Variants in ATG7 observed in about 807,000 individuals in gnomAD.
ATG7 encodes the protein ubiquitin-like modifier-activating enzyme ATG7.
Under a neutral mutation model 82.4 loss-of-function variants are expected in ATG7, and 70 were observed. The observed-to-expected ratio is 0.85, with a 90% confidence interval of 0.70 to 1.04. ATG7 has a LOEUF of 1.04. Among genes scored for constraint, ATG7 ranks in the 50% least tolerant of loss-of-function variants. The pLI, the probability that ATG7 is intolerant of heterozygous loss-of-function variation, is 0.00. For synonymous variants in ATG7, 287 were observed against 313.0 expected, an observed-to-expected ratio of 0.92 and a Z score of 0.88; for missense variants, 792 against 864.3, an observed-to-expected ratio of 0.92 and a Z score of 1.05.
intron 10 of ATG7, among the ~76,000 whole-genome samples, chr3:11,332,226 G>A (rs2595002): frequency 0.82 from 124,275 of 152,194 alleles, 50,996 homozygotes; most frequent in East Asian, 1. Flanking sequence ...TTAATACAGA[G>A]ATCAGCATGG....
In ATG7 at chr3:11,546,662, C is replaced by G. The variant is rs142015855; in HGVS notation, c.2080-8149C>G. On this transcript the variant is annotated intron_variant, in intron 20 of 20. Transcript: ENST00000693202. ...TGATGAGGGCTCCTTTCAAACTCGT[C>G]TGTCTCCTTTGGAGAGAGTTAAACC... 6.8e-3 allele frequency among the ~76,000 whole-genome samples: 1,038 copies of G among 152,328 alleles called. 12 individuals carry two copies. The highest frequency in any genetic ancestry group is 0.023 in the African/African-American group (971 of 41,580).
At chr3:11,279,906 A>G (rs1163338646) in intron 1 of ATG7, among the ~76,000 whole-genome samples, 2 of 151,120 alleles carry the variant, frequency 1.3e-5, no homozygotes, top group Non-Finnish European at 1.5e-5. Flanking sequence ...TTTGGCTTCA[A>G]AATTGTTAGC....
intron 20 of ATG7, among the ~76,000 whole-genome samples, chr3:11,526,162 G>T (rs2092574261): frequency 6.6e-6 from 1 of 152,044 alleles, no homozygotes; most frequent in Admixed American, 6.6e-5. Flanking sequence ...AAGCTGAGGT[G>T]GTCAGATCGC....
At position 11,551,260 on chromosome 3, in the gene ATG7, G is replaced by A. The variant is rs1240508201; in HGVS notation, c.2080-3551G>A. The stretch of plus-strand genomic sequence containing the variant: ...CGGCCCATGGTGGGGGCTTCTCACC[G>A]CTCTTCTGTTCGGAGGGTTTCCTGG... On this transcript the variant is annotated intron_variant, in intron 20 of 20. Coordinates refer to ENST00000693202, the MANE Select transcript of ATG7 (RefSeq NM_001349232.2). 3.3e-5 allele frequency among the ~76,000 whole-genome samples: 5 copies of A among 152,204 alleles called. 1 individual carries two copies. Among genetic ancestry groups the A allele is most frequent in the Admixed American group, 2.0e-4 (3 of 15,278 alleles).
At chr3:11,354,862 A>C (rs1232270781) in intron 14 of ATG7, among the ~76,000 whole-genome samples, 1 of 152,188 alleles carries the variant, frequency 6.6e-6, no homozygotes, top group Non-Finnish European at 1.5e-5. Flanking sequence ...GGTCATAGGT[A>C]GTGAAAGACT....
chr3:11,357,221 A>AT (rs2075992356), intron 14 of ATG7, among the ~76,000 whole-genome samples: 1 of 152,150 alleles, frequency 6.6e-6, no homozygotes, highest in South Asian at 2.1e-4. Flanking sequence ...TCTAGAACAC[A>AT]TTTTTTGTGG....
chr3:11,543,090 C>G (rs564242442), intron 20 of ATG7, among the ~76,000 whole-genome samples: 3 of 152,114 alleles, frequency 2.0e-5, no homozygotes, highest in Admixed American at 6.5e-5. Context: ...GTCCTCCAAC[C>G]GACCCCACGG....
intron 7 of ATG7, among the ~76,000 whole-genome samples, chr3:11,311,553 G>T (rs190597885): frequency 6.7e-6 from 1 of 149,770 alleles, no homozygotes; most frequent in African/African-American, 2.5e-5. Flanking sequence ...AGTGAGCTGA[G>T]ATCGTCGTGC....
At chr3:11,548,250 G>C (rs1052843052) in intron 20 of ATG7, among the ~76,000 whole-genome samples, 4 of 152,048 alleles carry the variant, frequency 2.6e-5, no homozygotes, top group African/African-American at 9.7e-5. Context: ...TGTTGCCCAG[G>C]CTGGTCTCAA....
intron 18 of ATG7, 142 bp downstream of exon 18, chr3:11,364,876 G>T: frequency 1.2e-6 from 1 of 804,042 alleles, no homozygotes; most frequent in Non-Finnish European, 2.0e-6. Context: ...AGAGCTTTCT[G>T]ACCACCTGGA....
downstream of ATG7, chr3:11,559,490 A>G (rs752823212): frequency 7.2e-6 from 11 of 1,522,140 alleles, no homozygotes; most frequent in Non-Finnish European, 9.7e-6. Context: ...TGTGGAGACC[A>G]GCTTCAGTAC....
chr3:11,486,130 G>A (rs2089617925), intron 20 of ATG7, among the ~76,000 whole-genome samples: 1 of 152,090 alleles, frequency 6.6e-6, no homozygotes, highest in Admixed American at 6.5e-5. Flanking sequence ...AATTACCTTG[G>A]GCAGTATGGC....
At chr3:11,540,337 G>T (rs2070713195) in intron 20 of ATG7, among the ~76,000 whole-genome samples, 1 of 152,132 alleles carries the variant, frequency 6.6e-6, no homozygotes, top group African/African-American at 2.4e-5. Context: ...ATCTTTTCAT[G>T]TATTTATTTG....
chr3:11,459,709 A>G (rs1402180387), intron 20 of ATG7, among the ~76,000 whole-genome samples: 1 of 152,206 alleles, frequency 6.6e-6, no homozygotes, highest in African/African-American at 2.4e-5. Flanking sequence ...GCCTGTTCTG[A>G]TAGCCTTTTG....
intron 11 of ATG7, among the ~76,000 whole-genome samples, chr3:11,337,365 A>G (rs1952685897): frequency 6.6e-6 from 1 of 152,078 alleles, no homozygotes; most frequent in Non-Finnish European, 1.5e-5. Context: ...AGGCAGGAGA[A>G]TCGCTTGAAC....
Position 11,426,812 on chromosome 3 carries a change from T to G in ATG7, c.1965T>G (p.Asp655Glu), listed in dbSNP as rs1463920799. ...KCTACSSKVL[D>E]QYEREGFNFL... is the part of the protein sequence containing the mutation. Reference sequence around the variant, plus strand: ...ATGTAAATGTTTTACAGGTTCTTGATCAATATGAACGAGAAGGATTTAACT... The same window carrying G: ...ATGTAAATGTTTTACAGGTTCTTGAGCAATATGAACGAGAAGGATTTAACT... The change falls in exon 20 of 21, where the codon GAT (aspartate) becomes GAG (glutamate). Residue 655 changes from aspartate (D) to glutamate (E), a missense_variant. By Grantham distance (45) the Asp-to-Glu change is conservative (BLOSUM62 2). Transcript: ENST00000693202. The G allele has an allele frequency of 6.3e-7, 1 of 1,593,462 alleles. No individual in the cohort carries two copies. The highest frequency in any genetic ancestry group is 8.5e-7 in the Non-Finnish European group (1 of 1,172,912).
At chr3:11,460,309 T>TA (rs2152997428) in intron 20 of ATG7, among the ~76,000 whole-genome samples, 1 of 152,376 alleles carries the variant, frequency 6.6e-6, no homozygotes, top group Admixed American at 6.5e-5. Flanking sequence ...GTATCTTATC[T>TA]ACCTTTGGGC....
At chr3:11,486,387 T>C (rs956655493) in intron 20 of ATG7, among the ~76,000 whole-genome samples, 3 of 152,242 alleles carry the variant, frequency 2.0e-5, no homozygotes, top group Non-Finnish European at 4.4e-5. Flanking sequence ...ACATTGATTT[T>C]GTATACTGAG....
chr3:11,571,457 G>C, the ATG7 span, among the ~76,000 whole-genome samples: 2 of 152,112 alleles, frequency 1.3e-5, no homozygotes, highest in Non-Finnish European at 2.9e-5. Context: ...GCCAACGTAG[G>C]TGGACTGCTT....
Sources: allele counts gnomAD v4.1 joint callset (sites outside exome capture counted in the v4.1 genomes callset), GRCh38; gene constraint gnomAD v4.1.1; transcripts MANE v1.5; gene names NCBI Gene and HGNC (gene_info 2026-07-23, HGNC 2026-07-21).